Variants in CHD2 observed in about 807,000 individuals in gnomAD.
CHD2 encodes ATP-dependent chromatin remodeler CHD2.
In CHD2, 28 loss-of-function variants were observed where a neutral mutation model predicts 243.9. The observed-to-expected ratio is 0.11, with a 90% CI of 0.09 to 0.16. CHD2 has a LOEUF of 0.16. CHD2 is among the 10% of genes least tolerant of loss of function. The pLI, the probability that CHD2 is intolerant of heterozygous loss-of-function variation, is 1.00. For missense variants in CHD2, 1,386 were observed against 2,209.8 expected (o/e 0.63, Z 7.47); for synonymous variants, 775 against 779.0 (o/e 0.99, Z 0.09).
intron 32 of CHD2, 89 bp from the exon 33 acceptor site, chr15:93,002,087 AC>A: frequency 6.7e-7 from 1 of 1,498,704 alleles, no homozygotes; most frequent in African/African-American, 1.4e-5. Flanking sequence ...ACAGTGATGA[AC>A]CACTGGGGGC....
intron 16 of CHD2, among the ~76,000 whole-genome samples, chr15:92,964,763 T>C (rs2053734519): frequency 6.6e-6 from 1 of 152,158 alleles, no homozygotes; most frequent in East Asian, 1.9e-4. Context: ...GAAAAAGATA[T>C]GACAAGATTG....
chr15:92,940,248 G>T (rs1037810577), intron 7 of CHD2, among the ~76,000 whole-genome samples: 1 of 152,116 alleles, frequency 6.6e-6, no homozygotes. Context: ...GAGCCCAGGG[G>T]TTTGAGACCA....
At chr15:92,992,700 G>T (rs763056235) in intron 27 of CHD2, among the ~76,000 whole-genome samples, 159 bp from the exon 28 acceptor site, 1 of 152,208 alleles carries the variant, frequency 6.6e-6, no homozygotes, top group Non-Finnish European at 1.5e-5. Flanking sequence ...TTCAGTCAAT[G>T]TCCAGGGGTT....
intron 19 of CHD2, among the ~76,000 whole-genome samples, chr15:92,973,677 T>TTCTC (rs1393183496): frequency 1.3e-5 from 2 of 152,210 alleles, no homozygotes; most frequent in African/African-American, 4.8e-5. Flanking sequence ...AAAAAGTCAC[T>TTCTC]TCTCTGTCAG....
chr15:93,011,705 A>G (rs930901171), intron 35 of CHD2, among the ~76,000 whole-genome samples: 2 of 152,204 alleles, frequency 1.3e-5, no homozygotes, highest in African/African-American at 2.4e-5. Flanking sequence ...CTGTCTCATC[A>G]TATCATTCCC....
intron 22 of CHD2, 65 bp downstream of exon 22, chr15:92,979,348 A>G (rs2053948065): frequency 3.8e-6 from 6 of 1,562,268 alleles, no homozygotes; most frequent in Admixed American, 1.8e-5. Context: ...GTTGGATATA[A>G]TAGGATTTTC....
Position 92,943,182 on chromosome 15 carries a change from A to T in CHD2, c.1052+114A>T, listed in dbSNP as rs188090316. 31 of 778,806 alleles carry T rather than the reference A, an allele frequency of 4.0e-5. No individual in the cohort carries two copies. In the African/African-American group the frequency reaches 5.2e-4, roughly 13 times the overall value. The allele number at this position is 778,806 out of a possible 1,614,324, so 48.2% of individuals were successfully genotyped here. On this transcript the variant is annotated intron_variant, in intron 9 of 38. Coordinates refer to ENST00000394196, the MANE Select transcript of CHD2 (RefSeq NM_001271.4). Reference sequence around the variant, plus strand: ...TAGAATCTCAGATTTTGCTTTGATCATCTAAACATGGAGCCATTTACAATT... The same window carrying T: ...TAGAATCTCAGATTTTGCTTTGATCTTCTAAACATGGAGCCATTTACAATT...
At chr15:93,001,909 G>T (rs935258434) in intron 32 of CHD2, among the ~76,000 whole-genome samples, 2 of 152,158 alleles carry the variant, frequency 1.3e-5, no homozygotes, top group Non-Finnish European at 2.9e-5. Context: ...GTTTCCATCC[G>T]TGAAATGAGA....
At position 92,985,680 on chromosome 15, in the gene CHD2, G is replaced by T. The variant is rs892847874; in HGVS notation, c.3413+7G>T. 3.1e-6 allele frequency: 5 copies of T among 1,607,310 alleles called. No homozygotes were observed. Among genetic ancestry groups the T allele is most frequent in the African/African-American group, 2.7e-5 (2 of 74,882 alleles). ...CTGATGCAGAGATCCGAAGGTTGGTGGAGGCTCTGTTCTCACTGAGCTTGT... is the reference window on the plus strand; with the variant it reads ...CTGATGCAGAGATCCGAAGGTTGGTTGAGGCTCTGTTCTCACTGAGCTTGT... On this transcript the variant is annotated splice_region_variant and intron_variant, in intron 26 of 38. Transcript: ENST00000394196.
rs1185265644 is a variant in CHD2 at position 92,939,732 on chromosome 15, CAGAAGTGTTTCA to C, written c.692+15_692+26del. ...TAAAAACGTTAGGTAAGTTGTACCCCAGAAGTGTTTCACTGGTGTGATGTGATAAAGTAGTTG... is the reference window on the plus strand; with the variant it reads ...TAAAAACGTTAGGTAAGTTGTACCCCCTGGTGTGATGTGATAAAGTAGTTG... On this transcript the variant is annotated intron_variant, in intron 7 of 38. Coordinates refer to ENST00000394196, the MANE Select transcript of CHD2 (RefSeq NM_001271.4). 1 of 1,610,980 alleles carries C rather than the reference CAGAAGTGTTTCA, an allele frequency of 6.2e-7. No homozygotes were observed. Among genetic ancestry groups the C allele is most frequent in the Admixed American group, 1.7e-5 (1 of 59,710 alleles).
chr15:92,996,932 C>G, intron 28 of CHD2, 25 bp from the exon 29 acceptor site: 1 of 1,590,578 alleles, frequency 6.3e-7, no homozygotes, highest in Non-Finnish European at 8.5e-7. Context: ...TTTCATTTAA[C>G]TAATGTGAAA....
intron 20 of CHD2, among the ~76,000 whole-genome samples, chr15:92,977,034 AGAC>A (rs2053919428): frequency 6.6e-6 from 1 of 152,138 alleles, no homozygotes; most frequent in Non-Finnish European, 1.5e-5. Context: ...TCATAGATGC[AGAC>A]GACATATTAT....
chr15:92,917,678 A>C (rs1470122815), intron 2 of CHD2, among the ~76,000 whole-genome samples: 2 of 152,276 alleles, frequency 1.3e-5, no homozygotes, highest in Admixed American at 6.5e-5. Context: ...CATCGGTTTA[A>C]TAATCAGTTC....
At chr15:92,938,259 G>A (rs2053298220) in intron 6 of CHD2, among the ~76,000 whole-genome samples, 1 of 152,176 alleles carries the variant, frequency 6.6e-6, no homozygotes, top group Non-Finnish European at 1.5e-5. Context: ...TAAGGATAGA[G>A]AGCACTAAAT....
At chr15:92,986,333 A>T (rs2054042272) in intron 26 of CHD2, among the ~76,000 whole-genome samples, 1 of 152,240 alleles carries the variant, frequency 6.6e-6, no homozygotes, top group South Asian at 2.1e-4. Flanking sequence ...GAAAATAGAA[A>T]GTATAAAGAT....
chr15:92,946,269 AGGATT>A, intron 12 of CHD2, 53 bp downstream of exon 12: 1 of 1,418,670 alleles, frequency 7.0e-7, no homozygotes, highest in Non-Finnish European at 9.6e-7. Flanking sequence ...ACTGATAAAG[AGGATT>A]GGACACATAT....
chr15:92,970,486 G>A (rs989975963), intron 17 of CHD2, among the ~76,000 whole-genome samples: 1 of 152,136 alleles, frequency 6.6e-6, no homozygotes, highest in Non-Finnish European at 1.5e-5. Flanking sequence ...ACAGGTGTGA[G>A]CCACCGCACC....
In CHD2 at chr15:92,988,638, G is replaced by A. The variant is rs75086004; in HGVS notation, c.3414-2838G>A. ...TGTTAATTTCATCTTCATTTTTGAA[G>A]GAAAGTCTTAATTTCTTTTTTTCTG... On this transcript the variant is annotated intron_variant, in intron 26 of 38. Coordinates refer to ENST00000394196, the MANE Select transcript of CHD2 (RefSeq NM_001271.4). Among the ~76,000 whole-genome samples, 755 of 152,230 alleles carry A rather than the reference G, an allele frequency of 5.0e-3. 5 individuals are homozygous for A. The highest frequency in any genetic ancestry group is 0.018 in the African/African-American group (734 of 41,530).
At chr15:92,904,435 C>T in intron 2 of CHD2, 1 of 987,808 alleles carries the variant, frequency 1.0e-6, no homozygotes, top group Non-Finnish European at 1.2e-6. Flanking sequence ...GACGTCTGGC[C>T]GCGTGCGCAT....
Sources: allele counts gnomAD v4.1 joint callset (sites outside exome capture counted in the v4.1 genomes callset), GRCh38; gene constraint gnomAD v4.1.1; transcripts MANE v1.5; gene names NCBI Gene and HGNC (gene_info 2026-07-23, HGNC 2026-07-21).